Variants in XXYLT1 observed in about 807,000 individuals in gnomAD.
XXYLT1 encodes the protein UDP-xylose:alpha-xyloside alpha-1,3-xylosyltransferase.
A neutral mutation model predicts 28.9 loss-of-function variants in XXYLT1; 20 were observed. The observed-to-expected ratio is 0.69, with a 90% CI of 0.49 to 1.00. XXYLT1 has a LOEUF of 1.00. Ranked by LOEUF, XXYLT1 falls within the 50% of genes least tolerant of loss-of-function variation. The pLI is 0.00. For synonymous variants in XXYLT1, 257 were observed against 253.8 expected (o/e 1.01, Z -0.12); for missense variants, 542 against 560.1 (o/e 0.97, Z 0.33).
rs978575178 is a variant in XXYLT1 at position 195,179,136 on chromosome 3, T to C, written c.653-22555A>G. ...GCGGGCGGATCATGAGGTCAGGAGA[T>C]CAAGACCATCTTGGGCAATATGGTG... On this transcript the variant is annotated intron_variant, in intron 2 of 3. Transcript: ENST00000310380. Among the ~76,000 whole-genome samples the C allele has an allele frequency of 2.6e-5, 4 of 151,720 alleles. No homozygotes were observed. In the East Asian group the frequency reaches 7.8e-4, roughly 30 times the overall value.
Position 195,101,029 on chromosome 3 carries a change from C to T in XXYLT1, c.786-30918G>A, listed in dbSNP as rs541498268. Among the ~76,000 whole-genome samples the T allele has an allele frequency of 7.9e-5, 12 of 152,400 alleles. No homozygotes were observed. In the South Asian group the frequency reaches 1.0e-3, roughly 13 times the overall value. On this transcript the variant is annotated intron_variant, in intron 3 of 3. Transcript: ENST00000310380. ...GCTATAGGTTCCACAGAGCGGCCCA[C>T]AGCCAAGGCCTCTGCCAGTCTCTGT...
In XXYLT1 at chr3:195,173,317, G is replaced by T. The variant is rs959778706; in HGVS notation, c.653-16736C>A. On this transcript the variant is annotated intron_variant, in intron 2 of 3. Transcript: ENST00000310380. The surrounding 1 kb of genome is among the most constrained non-coding windows in gnomAD (Gnocchi z 4.3). ...CTCAAGGAAAGAAAATACCAGGAAG[G>T]CTCAGGGAAAGACGCAGCGTCTCCT... 6.6e-6 allele frequency among the ~76,000 whole-genome samples: 1 copy of T among 152,152 alleles called. No individual in the cohort carries two copies. Among genetic ancestry groups the T allele is most frequent in the Non-Finnish European group, 1.5e-5 (1 of 68,034 alleles).
At chr3:195,074,440 T>C (rs1178273682) in intron 3 of XXYLT1, among the ~76,000 whole-genome samples, 1 of 152,164 alleles carries the variant, frequency 6.6e-6, no homozygotes, top group Non-Finnish European at 1.5e-5. Flanking sequence ...GAAACGTGAT[T>C]TCCCTCATAC....
chr3:195,263,189 G>C (rs2108856587), intron 1 of XXYLT1, among the ~76,000 whole-genome samples: 1 of 152,308 alleles, frequency 6.6e-6, no homozygotes, highest in Non-Finnish European at 1.5e-5. Context: ...TCACAGGTTT[G>C]CTCTTGCACT....
chr3:195,109,149 T>C (rs1176005164), intron 3 of XXYLT1, among the ~76,000 whole-genome samples: 3 of 152,190 alleles, frequency 2.0e-5, no homozygotes, highest in African/African-American at 7.2e-5. Context: ...TTCCTCCAGA[T>C]ACTCTCTCTT....
rs763765249 is a variant in XXYLT1, at chr3:195,271,109, G to A, written c.-51C>T. The stretch of plus-strand genomic sequence containing the variant: ...GTGCCAGCAACGCGGGAGAGCCCTC[G>A]GGTACCCGGACGCCGGCGGCCACTT... On this transcript the variant is annotated 5_prime_UTR_variant, in exon 1 of 4. Coordinates refer to ENST00000310380, the MANE Select transcript of XXYLT1 (RefSeq NM_152531.5). The A allele has an allele frequency of 1.0e-5, 13 of 1,284,374 alleles. No homozygotes were observed. The highest frequency in any genetic ancestry group is 5.9e-4 in the Middle Eastern group (2 of 3,380). 79.6% of individuals were successfully genotyped at this position (1,284,374 alleles called of 1,614,324 possible). A position where few individuals can be genotyped will look rare whatever the true frequency, so the allele number is the denominator to read the frequency against.
chr3:195,123,460 C>T (rs1159937247), intron 3 of XXYLT1, among the ~76,000 whole-genome samples: 1 of 152,306 alleles, frequency 6.6e-6, no homozygotes, highest in Non-Finnish European at 1.5e-5. Context: ...GTGCTACTGC[C>T]TGAGTCACTA....
intron 2 of XXYLT1, among the ~76,000 whole-genome samples, chr3:195,217,011 C>T (rs1456643196): frequency 6.0e-5 from 8 of 132,334 alleles, no homozygotes; most frequent in South Asian, 2.4e-4. Flanking sequence ...GTTCAATATA[C>T]GCAAATCAAT....
At chr3:195,270,297 T>C in intron 1 of XXYLT1, 2 of 816,692 alleles carry the variant, frequency 2.4e-6, no homozygotes, top group South Asian at 2.3e-5. Flanking sequence ...TCCTGGGGGC[T>C]GCGCTTAACT....
At position 195,150,384 on chromosome 3, in the gene XXYLT1, C is replaced by A. The variant is rs989140652; in HGVS notation, c.785+6065G>T. 2.6e-5 allele frequency among the ~76,000 whole-genome samples: 4 copies of A among 152,176 alleles called. No homozygotes were observed. Among genetic ancestry groups the A allele is most frequent in the Non-Finnish European group, 5.9e-5 (4 of 68,004 alleles). ...TGGCGCTCACTCCCTCCCCAACACT[C>A]CCCTGGGAGCCCAGCACCAGTCCTT... On this transcript the variant is annotated intron_variant, in intron 3 of 3. Transcript: ENST00000310380. The surrounding 1 kb of genome is among the most constrained non-coding windows in gnomAD (Gnocchi z 4.7).
intron 2 of XXYLT1, among the ~76,000 whole-genome samples, chr3:195,224,104 C>T (rs1392223358): frequency 6.6e-6 from 1 of 152,092 alleles, no homozygotes; most frequent in Admixed American, 6.5e-5. Flanking sequence ...TGCAGTGAGC[C>T]GAGATTGCTA....
intron 3 of XXYLT1, among the ~76,000 whole-genome samples, chr3:195,081,431 G>T (rs1715427947): frequency 6.6e-6 from 1 of 152,194 alleles, no homozygotes; most frequent in Non-Finnish European, 1.5e-5. Context: ...GCTTACAGGT[G>T]CCAGGAGGGA....
chr3:195,256,476 C>T lies in XXYLT1; in HGVS notation c.504+14079G>A, dbSNP rs536001515. 17 of 985,136 alleles carry T rather than the reference C, an allele frequency of 1.7e-5. No individual in the cohort carries two copies. The highest frequency in any genetic ancestry group is 1.4e-4 in the South Asian group (3 of 21,280). The allele number at this position is 985,136 out of a possible 1,614,324, so 61.0% of individuals were successfully genotyped here. The stretch of plus-strand genomic sequence containing the variant: ...AAACGAACCAGTACCTCCCAGAGGA[C>T]GGAAGGGAAGTCAGCACGGAAGCCT... On this transcript the variant is annotated intron_variant, in intron 1 of 3. Coordinates refer to ENST00000310380, the MANE Select transcript of XXYLT1 (RefSeq NM_152531.5). The surrounding 1 kb of genome is among the most constrained non-coding windows in gnomAD (Gnocchi z 4.2).
intron 3 of XXYLT1, among the ~76,000 whole-genome samples, chr3:195,084,863 C>G (rs368438303): frequency 2.6e-4 from 40 of 152,206 alleles, no homozygotes; most frequent in Non-Finnish European, 4.1e-4. Context: ...GGACCATTCT[C>G]CATGCTGGGG....
chr3:195,205,502 G>A (rs1015102679), intron 2 of XXYLT1, among the ~76,000 whole-genome samples: 10 of 152,202 alleles, frequency 6.6e-5, no homozygotes, highest in South Asian at 2.1e-4. Context: ...GAGGAGGTGG[G>A]TGTGGCTGTA....
intron 1 of XXYLT1, among the ~76,000 whole-genome samples, chr3:195,259,274 GCTTT>G (rs966227126): frequency 1.3e-5 from 2 of 152,250 alleles, no homozygotes; most frequent in African/African-American, 4.8e-5. Context: ...TTAACAGCAG[GCTTT>G]CTGTCAGCTG....
intron 2 of XXYLT1, among the ~76,000 whole-genome samples, chr3:195,175,072 T>G (rs1375988223): frequency 6.6e-6 from 1 of 152,172 alleles, no homozygotes; most frequent in African/African-American, 2.4e-5. Flanking sequence ...GTTCACTTGG[T>G]AAAGAGCTTC....
chr3:195,114,493 A>C (rs1215401697), intron 3 of XXYLT1, among the ~76,000 whole-genome samples: 1 of 152,154 alleles, frequency 6.6e-6, no homozygotes, highest in Non-Finnish European at 1.5e-5. Flanking sequence ...GACCCAAATC[A>C]TTGTCATTTC....
Position 195,186,615 on chromosome 3 carries a change from T to TC in XXYLT1, c.653-30035dup, listed in dbSNP as rs144748291. Among the ~76,000 whole-genome samples, 749 of 150,564 alleles carry TC rather than the reference T, an allele frequency of 5.0e-3. 8 individuals carry two copies. The highest frequency in any genetic ancestry group is 0.016 in the African/African-American group (639 of 40,942). ...GTCTGGAGGAAGTCTTTAGTAACAATCCCCCCCCACACACCCTGAATCCCC... is the reference window on the plus strand; with the variant it reads ...GTCTGGAGGAAGTCTTTAGTAACAATCCCCCCCCCACACACCCTGAATCCCC... On this transcript the variant is annotated intron_variant, in intron 2 of 3. Coordinates refer to ENST00000310380, the MANE Select transcript of XXYLT1 (RefSeq NM_152531.5).
Sources: gnomAD v4.1 joint callset for allele counts (sites outside exome capture counted in the v4.1 genomes callset) on GRCh38, gnomAD v4.1.1 for gene constraint, Gnocchi (gnomAD v3.1) non-coding constraint, MANE v1.5 for transcripts, NCBI Gene and HGNC (gene_info 2026-07-23, HGNC 2026-07-21) for gene names.